Variants in TANC2 observed in about 807,000 individuals in gnomAD.
TANC2 encodes the protein protein TANC2.
TANC2 carries 26 observed loss-of-function variants against 210.5 expected under a neutral mutation model. The ratio of observed to expected loss-of-function variants is 0.12; its 90% CI spans 0.09 to 0.17. The LOEUF (loss-of-function observed/expected upper bound fraction) is 0.17, where lower values mean the gene tolerates loss of function less well. Ranked by LOEUF, TANC2 falls within the 10% of genes least tolerant of loss-of-function variation. TANC2 has a pLI of 1.00. For missense variants in TANC2, 2,129 were observed against 2,608.9 expected (o/e 0.82, Z 4.01); for synonymous variants, 931 against 967.1 (o/e 0.96, Z 0.69).
chr17:63,200,820 G>A (rs745832485), exon 7 of TANC2: 3 of 1,613,724 alleles, frequency 1.9e-6, no homozygotes, highest in South Asian at 2.2e-5. Context: ...CTGACTAGCA[G>A]CACTGCCTCT....
chr17:63,133,517 T>C (rs146058906), intron 4 of TANC2, among the ~76,000 whole-genome samples: 31 of 152,342 alleles, frequency 2.0e-4, no homozygotes, highest in African/African-American at 7.2e-4. Context: ...CTTTTTGTTT[T>C]CTTTGTTAAT....
At chr17:63,314,777 C>A in intron 10 of TANC2, 108 bp downstream of exon 10, 1 of 1,364,588 alleles carries the variant, frequency 7.3e-7, no homozygotes, top group Non-Finnish European at 1.0e-6. Context: ...CAAAACCTGA[C>A]TTCCACGTGA....
At chr17:63,348,204 C>T (rs2046479282) in intron 12 of TANC2, among the ~76,000 whole-genome samples, 1 of 152,198 alleles carries the variant, frequency 6.6e-6, no homozygotes. Flanking sequence ...AAAAGAATCT[C>T]ATGTGCCGAG....
intron 12 of TANC2, among the ~76,000 whole-genome samples, chr17:63,346,840 G>GGAA (rs2046427230): frequency 6.6e-6 from 1 of 151,956 alleles, no homozygotes; most frequent in Non-Finnish European, 1.5e-5. Flanking sequence ...GAGTAACCGG[G>GGAA]GGCTACAGGC....
intron 8 of TANC2, among the ~76,000 whole-genome samples, chr17:63,245,943 G>A (rs1227407767): frequency 6.6e-6 from 1 of 151,844 alleles, no homozygotes; most frequent in African/African-American, 2.4e-5. Flanking sequence ...CTGGGAGGCG[G>A]AGGTTGCAGT....
At position 63,075,855 on chromosome 17, in the gene TANC2, G is replaced by A. The variant is rs187918990; in HGVS notation, c.139+1841G>A. On this transcript the variant is annotated intron_variant, in intron 3 of 27. Coordinates refer to ENST00000689528, the Ensembl canonical transcript of TANC2. ...TATAAAAAACTATCAATAATGAGTT[G>A]AAATGAATGAGAAATAGTATTAGGA... is the stretch of plus-strand genomic sequence containing the variant. Among the ~76,000 whole-genome samples the A allele has an allele frequency of 2.5e-4, 38 of 152,206 alleles. No homozygotes were observed. In the East Asian group the frequency reaches 6.9e-3, roughly 28 times the overall value.
chr17:63,323,556 A>G (rs1260409776), intron 11 of TANC2, among the ~76,000 whole-genome samples: 2 of 152,170 alleles, frequency 1.3e-5, no homozygotes, highest in African/African-American at 2.4e-5. Flanking sequence ...TAGGTTTTGA[A>G]TCTGTTGTGC....
intron 1 of TANC2, among the ~76,000 whole-genome samples, chr17:63,002,214 G>A (rs982737716): frequency 1.2e-4 from 18 of 152,192 alleles, no homozygotes; most frequent in African/African-American, 4.3e-4. Flanking sequence ...CATTGACTGA[G>A]AACCTCTCTA....
At chr17:63,107,640 A>C (rs2037877385) in intron 4 of TANC2, among the ~76,000 whole-genome samples, 1 of 151,790 alleles carries the variant, frequency 6.6e-6, no homozygotes, top group South Asian at 2.1e-4. Context: ...ATTATTTGGC[A>C]TTAAAAATAA....
chr17:63,102,350 T>G (rs926446012), intron 4 of TANC2, among the ~76,000 whole-genome samples: 2 of 149,392 alleles, frequency 1.3e-5, no homozygotes, highest in African/African-American at 4.9e-5. Flanking sequence ...ATAAAAAGAG[T>G]TGGAGAGGTG....
intron 12 of TANC2, among the ~76,000 whole-genome samples, chr17:63,348,538 TTGTA>T (rs145462252): frequency 0.02 from 3,119 of 152,310 alleles, 97 homozygotes; most frequent in African/African-American, 0.07. Flanking sequence ...AGCTCAGAAT[TTGTA>T]TGGATGTAGA....
rs75473151 is a variant in TANC2 at position 63,318,417 on chromosome 17, A to T, written c.1442-540A>T. Among the ~76,000 whole-genome samples the T allele has an allele frequency of 4.2e-3, 645 of 152,332 alleles. 6 individuals are homozygous for T. The highest frequency in any genetic ancestry group is 0.014 in the African/African-American group (563 of 41,580). ...GTATAATTCACAGAGTTGTATAGCA[A>T]TCACCATAATGTAACTTTAGGCCAT... On this transcript the variant is annotated intron_variant, in intron 10 of 27. Coordinates refer to ENST00000689528, the Ensembl canonical transcript of TANC2.
chr17:63,282,552 A>G (rs1165119623), intron 9 of TANC2, among the ~76,000 whole-genome samples: 2 of 152,156 alleles, frequency 1.3e-5, no homozygotes, highest in Admixed American at 1.3e-4. Flanking sequence ...CAAATATTTA[A>G]GAGTAGGTGG....
intron 1 of TANC2, among the ~76,000 whole-genome samples, chr17:62,988,189 G>T (rs541920811): frequency 2.6e-5 from 4 of 152,026 alleles, no homozygotes; most frequent in Admixed American, 6.5e-5. Context: ...GTGCAGTGGT[G>T]CAATCTCAGC....
intron 3 of TANC2, among the ~76,000 whole-genome samples, chr17:63,092,231 T>C (rs1190794084): frequency 6.6e-6 from 1 of 152,118 alleles, no homozygotes; most frequent in Non-Finnish European, 1.5e-5. Context: ...TCATTTCTTT[T>C]GGGTAAATTC....
At chr17:63,222,639 G>C (rs986321742) in intron 7 of TANC2, among the ~76,000 whole-genome samples, 2 of 151,446 alleles carry the variant, frequency 1.3e-5, no homozygotes, top group African/African-American at 4.8e-5. Flanking sequence ...AGCATAACTG[G>C]ATACATTTGT....
intron 2 of TANC2, 123 bp from the exon 3 acceptor site, chr17:63,073,820 A>C: frequency 1.1e-6 from 1 of 889,890 alleles, no homozygotes; most frequent in Non-Finnish European, 1.6e-6. Context: ...TATTTTAATG[A>C]TCCGGATTAT....
At chr17:63,296,874 G>A (rs1030266166) in intron 9 of TANC2, among the ~76,000 whole-genome samples, 1 of 151,976 alleles carries the variant, frequency 6.6e-6, no homozygotes, top group East Asian at 1.9e-4. Flanking sequence ...TCAGTCTAAA[G>A]AAGAGAAAGA....
intron 4 of TANC2, among the ~76,000 whole-genome samples, chr17:63,140,117 A>G (rs561846424): frequency 7.2e-5 from 11 of 152,340 alleles, no homozygotes; most frequent in African/African-American, 2.4e-4. Context: ...GAACATAACT[A>G]GAAGATTAAC....
Sources: gnomAD v4.1 joint callset for allele counts (sites outside exome capture counted in the v4.1 genomes callset) on GRCh38, gnomAD v4.1.1 for gene constraint, MANE v1.5 for transcripts, NCBI Gene and HGNC (gene_info 2026-07-23, HGNC 2026-07-21) for gene names.